PSMB7: variants seen among roughly 807,000 people sequenced by gnomAD.
PSMB7 encodes proteasome 20S subunit beta 7.
In PSMB7, 5 loss-of-function variants were observed where a neutral mutation model predicts 28.1. The ratio of observed to expected loss-of-function variants is 0.18; its 90% CI spans 0.09 to 0.37. The LOEUF (loss-of-function observed/expected upper bound fraction) is 0.37, where lower values mean the gene tolerates loss of function less well. PSMB7 is among the 10% of genes least tolerant of loss of function. The probability of loss-of-function intolerance (pLI) is 1.00; values close to 1 mark genes in which losing one functional copy is unlikely to be tolerated. For synonymous variants in PSMB7, 122 were observed against 123.7 expected (o/e 0.99, Z 0.09); for missense variants, 275 against 346.2 (o/e 0.79, Z 1.63).
chr9:124,399,528 G>T (rs1830877742), intron 5 of PSMB7, among the ~76,000 whole-genome samples: 1 of 152,214 alleles, frequency 6.6e-6, no homozygotes, highest in South Asian at 2.1e-4. Context: ...CTCTTCAGAG[G>T]AGGGCGAGGG....
At chr9:124,367,351 A>G (rs1268550817) in intron 6 of PSMB7, among the ~76,000 whole-genome samples, 1 of 152,076 alleles carries the variant, frequency 6.6e-6, no homozygotes, top group African/African-American at 2.4e-5. Context: ...TGAGAAGACA[A>G]TGGCTGACTT....
chr9:124,371,393 T>TCTAA (rs61669330), intron 6 of PSMB7, among the ~76,000 whole-genome samples: 136 of 152,328 alleles, frequency 8.9e-4, no homozygotes, highest in Non-Finnish European at 1.4e-3. Flanking sequence ...ACAGACGACC[T>TCTAA]CTTGGATTTC....
intron 6 of PSMB7, among the ~76,000 whole-genome samples, chr9:124,381,541 C>T (rs1283395167): frequency 6.6e-6 from 1 of 152,210 alleles, no homozygotes; most frequent in Non-Finnish European, 1.5e-5. Context: ...AAACAGCAGG[C>T]TTAGTCACCC....
At position 124,413,972 on chromosome 9, in the gene PSMB7, T is replaced by C. The variant is rs1831058311; in HGVS notation, c.190A>G (p.Thr64Ala). The C allele has an allele frequency of 6.2e-7, 1 of 1,613,412 alleles. No individual in the cohort carries two copies. Among genetic ancestry groups the C allele is most frequent in the Non-Finnish European group, 8.5e-7 (1 of 1,179,750 alleles). Residue 64 changes from threonine (T) to alanine (A), a missense_variant, in exon 3 of 8, where the codon ACT becomes GCT. Physicochemically the swap from Thr to Ala is moderately conservative, Grantham distance 58. Around this residue, in one of 2 missense-constraint regions of PSMB7, gnomAD observed 213 missense variants for 302.4 expected, o/e 0.70. Transcript: ENST00000259457. The part of the protein sequence containing the change: ...GIVLGADTRA[T>A]EGMVVADKNC... The stretch of plus-strand genomic sequence containing the variant: ...TTGTCAGCAACAACCATCCCTTCAG[T>C]TGCTCTTGTATCTGCTCCAAGAACT...
intron 5 of PSMB7, among the ~76,000 whole-genome samples, chr9:124,390,226 G>A (rs1348802324): frequency 2.0e-5 from 3 of 152,204 alleles, no homozygotes; most frequent in African/African-American, 7.2e-5. Flanking sequence ...GATCAAATGG[G>A]TACTTTGACA....
At chr9:124,394,232 A>G (rs1830820184) in intron 5 of PSMB7, among the ~76,000 whole-genome samples, 1 of 152,268 alleles carries the variant, frequency 6.6e-6, no homozygotes, top group Admixed American at 6.5e-5. Context: ...AGATCTGGTT[A>G]ACAGCAAATC....
chr9:124,414,094 T>C (rs1237154436), intron 2 of PSMB7, 89 bp from the exon 3 acceptor site: 5 of 752,220 alleles, frequency 6.6e-6, no homozygotes, highest in South Asian at 5.1e-5. Flanking sequence ...ATGTTGGCCA[T>C]ACCACATGCT....
At chr9:124,380,770 T>C (rs1830656131) in intron 6 of PSMB7, among the ~76,000 whole-genome samples, 1 of 152,200 alleles carries the variant, frequency 6.6e-6, no homozygotes, top group Non-Finnish European at 1.5e-5. Flanking sequence ...CTGTGCACTT[T>C]ATTATATGTA....
intron 6 of PSMB7, among the ~76,000 whole-genome samples, chr9:124,363,821 G>C (rs1177114200): frequency 1.3e-5 from 2 of 152,090 alleles, no homozygotes; most frequent in Admixed American, 1.3e-4. Flanking sequence ...TCACGAAATT[G>C]CCAGCCAGGT....
At chr9:124,386,801 C>T (rs904580254) in intron 5 of PSMB7, among the ~76,000 whole-genome samples, 7 of 151,730 alleles carry the variant, frequency 4.6e-5, no homozygotes, top group African/African-American at 7.3e-5. Flanking sequence ...TTTTTTCCTC[C>T]GGGGCCATTC....
At chr9:124,405,456 A>G (rs1022716739) in intron 4 of PSMB7, 24 bp from the exon 5 acceptor site, 6 of 1,485,536 alleles carry the variant, frequency 4.0e-6, no homozygotes, top group African/African-American at 1.4e-5. Context: ...TATGCATAAG[A>G]AAAAAAACAT....
intron 5 of PSMB7, among the ~76,000 whole-genome samples, chr9:124,386,263 T>C (rs1414302663): frequency 6.6e-6 from 1 of 151,906 alleles, no homozygotes; most frequent in East Asian, 1.9e-4. Flanking sequence ...AGCACATATG[T>C]GAGAGCAAAT....
chr9:124,390,443 T>C (rs755099854), intron 5 of PSMB7, among the ~76,000 whole-genome samples: 4 of 151,720 alleles, frequency 2.6e-5, no homozygotes, highest in Non-Finnish European at 4.4e-5. Context: ...TGGAAGTAAA[T>C]GTAAAGGTTC....
chr9:124,403,211 AT>A, intron 5 of PSMB7, among the ~76,000 whole-genome samples: 2 of 152,202 alleles, frequency 1.3e-5, no homozygotes. Flanking sequence ...TCTTCTAAAT[AT>A]AATTTTATCA....
chr9:124,379,312 T>C (rs1564679404), intron 6 of PSMB7, among the ~76,000 whole-genome samples: 1 of 152,172 alleles, frequency 6.6e-6, no homozygotes, highest in Non-Finnish European at 1.5e-5. Context: ...AACACCTTTT[T>C]ATCCACCCAT....
At chr9:124,413,384 AT>A (rs1172962286) in intron 3 of PSMB7, among the ~76,000 whole-genome samples, 2 of 151,978 alleles carry the variant, frequency 1.3e-5, no homozygotes, top group African/African-American at 4.8e-5. Flanking sequence ...TAGGCTTTCT[AT>A]GAGACTGTGC....
chr9:124,398,527 T>C, intron 5 of PSMB7: 1 of 310,736 alleles, frequency 3.2e-6, no homozygotes, highest in Middle Eastern at 4.1e-4. Context: ...GGTAGTAAAA[T>C]TGTGGAGATA....
intron 6 of PSMB7, among the ~76,000 whole-genome samples, chr9:124,358,944 T>C (rs1219313377): frequency 1.3e-5 from 2 of 152,196 alleles, no homozygotes; most frequent in Admixed American, 6.5e-5. Flanking sequence ...AACGGAAATA[T>C]ACGAATGACA....
intron 6 of PSMB7, among the ~76,000 whole-genome samples, chr9:124,364,524 GAAAAAAA>G (rs10595510): frequency 7.6e-6 from 1 of 132,128 alleles, no homozygotes. Context: ...TGTAATCAGA[GAAAAAAA>G]AAAAAAAAAA....
Sources: allele counts gnomAD v4.1 joint callset (sites outside exome capture counted in the v4.1 genomes callset), GRCh38; gene constraint gnomAD v4.1.1; regional missense constraint gnomAD v4.1.1; transcripts MANE v1.5; gene names NCBI Gene and HGNC (gene_info 2026-07-23, HGNC 2026-07-21).